The following MAPRE1 variants were observed in gnomAD, a reference collection of about 807,000 sequenced individuals.
MAPRE1 encodes microtubule associated protein RP/EB family member 1, also known as microtubule-associated protein RP/EB family member 1.
Under a neutral mutation model 32.1 loss-of-function variants are expected in MAPRE1, and 5 were observed. That is an observed-to-expected ratio of 0.16 (90% CI 0.08 to 0.33). MAPRE1 has a LOEUF of 0.33. Among genes scored for constraint, MAPRE1 ranks in the 10% least tolerant of loss-of-function variants. The probability of loss-of-function intolerance (pLI) is 1.00; values close to 1 mark genes in which losing one functional copy is unlikely to be tolerated. For synonymous variants in MAPRE1, 122 were observed against 118.9 expected, an observed-to-expected ratio of 1.03 and a Z score of -0.17; for missense variants, 209 against 327.2, an observed-to-expected ratio of 0.64 and a Z score of 2.79.
intron 1 of MAPRE1, 27 bp downstream of exon 1, chr20:32,820,055 T>G (rs1601155883): frequency 6.9e-6 from 1 of 144,860 alleles, no homozygotes; most frequent in Non-Finnish European, 1.5e-5. Flanking sequence ...GCCCGGGGGG[T>G]GCGGCTGGGG....
intron 2 of MAPRE1, among the ~76,000 whole-genome samples, chr20:32,828,513 G>T (rs1373398950): frequency 2.0e-5 from 3 of 152,210 alleles, no homozygotes; most frequent in East Asian, 3.8e-4. Context: ...GCATAAAGAG[G>T]CTTCAGTCTG....
rs756157974 is a variant in MAPRE1 at position 32,839,728 on chromosome 20, T to C, written c.476-7T>C. On this transcript the variant is annotated splice_region_variant and splice_polypyrimidine_tract_variant and intron_variant, in intron 4 of 6. Coordinates refer to ENST00000375571, the MANE Select transcript of MAPRE1 (RefSeq NM_012325.3). Reference sequence around the variant, plus strand: ...TCCTTTTCAAAAACCTGTGCTCTCTTTTTCAGCTCCCCAGAGGCCCATCTC... The same window carrying C: ...TCCTTTTCAAAAACCTGTGCTCTCTCTTTCAGCTCCCCAGAGGCCCATCTC... The C allele has an allele frequency of 1.9e-6, 3 of 1,613,596 alleles. No homozygotes were observed. The highest frequency in any genetic ancestry group is 1.7e-5 in the Admixed American group (1 of 59,844).
At chr20:32,845,233 GT>G (rs1311407884) in intron 5 of MAPRE1, among the ~76,000 whole-genome samples, 3 of 152,044 alleles carry the variant, frequency 2.0e-5, no homozygotes, top group Admixed American at 2.0e-4. Context: ...GTAGAGACAG[GT>G]TTTGCCATGT....
At chr20:32,823,069 T>C (rs58357793) in intron 1 of MAPRE1, among the ~76,000 whole-genome samples, 2,371 of 152,244 alleles carry the variant, frequency 0.016, 54 homozygotes, top group African/African-American at 0.054. Context: ...TGAAAATAAG[T>C]AGTGAGTGCT....
intron 1 of MAPRE1, among the ~76,000 whole-genome samples, chr20:32,825,688 G>T (rs572199052): frequency 6.6e-6 from 1 of 152,196 alleles, no homozygotes; most frequent in Non-Finnish European, 1.5e-5. Context: ...CCAGCTACTC[G>T]GGAGGCTGAG....
intron 2 of MAPRE1, among the ~76,000 whole-genome samples, chr20:32,829,154 C>T (rs1012906074): frequency 3.3e-5 from 5 of 152,136 alleles, no homozygotes; most frequent in East Asian, 1.9e-4. Context: ...CCTTGTGATC[C>T]GCCCACCTCG....
At chr20:32,843,880 G>A (rs1983431099) in intron 5 of MAPRE1, among the ~76,000 whole-genome samples, 1 of 150,204 alleles carries the variant, frequency 6.7e-6, no homozygotes, top group Non-Finnish European at 1.5e-5. Flanking sequence ...TGGAGATGGA[G>A]TTTTGCTCTG....
chr20:32,841,562 C>T (rs1983363405), intron 5 of MAPRE1, among the ~76,000 whole-genome samples: 1 of 151,512 alleles, frequency 6.6e-6, no homozygotes. Context: ...GTGCACTGCA[C>T]CCACTAACTC....
rs2070090 is a variant in MAPRE1, at chr20:32,839,829, C to T, written c.570C>T (p.Asp190=). ...AGAACCCTGGTGTGGGCAACGGAGA[C>T]GACGAGGCAGCTGAGTTGATGCAGC... The part of the protein sequence containing the change: ...VRKNPGVGNG[D]DEAAELMQQV... Residue 190 remains aspartate (D), a synonymous_variant, in exon 5 of 7, where the codon GAC becomes GAT. Transcript: ENST00000375571. 0.19 allele frequency: 308,110 copies of T among 1,613,812 alleles called. 32,808 individuals carry two copies. The highest frequency in any genetic ancestry group is 0.38 in the African/African-American group (28,696 of 74,942).
chr20:32,825,814 T>G, intron 1 of MAPRE1, 111 bp from the exon 2 acceptor site: 1 of 740,022 alleles, frequency 1.4e-6, no homozygotes, highest in South Asian at 3.7e-5. Flanking sequence ...TAAAATAAAA[T>G]AAAATTGAGT....
chr20:32,827,936 TC>T (rs1427623260), intron 2 of MAPRE1, among the ~76,000 whole-genome samples: 2 of 140,160 alleles, frequency 1.4e-5, no homozygotes, highest in Non-Finnish European at 3.0e-5. Flanking sequence ...TAGGATTTTT[TC>T]TTTTTTTTTT....
At position 32,826,472 on chromosome 20, in the gene MAPRE1, G is replaced by A. The variant is rs149846214; in HGVS notation, c.121+424G>A. On this transcript the variant is annotated intron_variant, in intron 2 of 6. Transcript: ENST00000375571. ...CCTGACCTCATGATCTGCCTGCCTC[G>A]GTCTCCCAACGTGCTGAGATTACAG... Among the ~76,000 whole-genome samples, 248 of 144,592 alleles carry A rather than the reference G, an allele frequency of 1.7e-3. 1 individual carries two copies. The highest frequency in any genetic ancestry group is 5.8e-3 in the African/African-American group (224 of 38,570). The allele number at this position is 144,592 out of a possible 152,430, so 94.9% of individuals were successfully genotyped here. A position where few individuals can be genotyped will look rare whatever the true frequency, so the allele number is the denominator to read the frequency against.
intron 3 of MAPRE1, among the ~76,000 whole-genome samples, chr20:32,836,211 G>T (rs1196174115): frequency 6.6e-6 from 1 of 152,234 alleles, no homozygotes; most frequent in Non-Finnish European, 1.5e-5. Flanking sequence ...CTCCCAAAGT[G>T]CTGGGTTTAC....
intron 1 of MAPRE1, among the ~76,000 whole-genome samples, chr20:32,823,943 G>T (rs184749131): frequency 6.6e-6 from 1 of 152,168 alleles, no homozygotes; most frequent in Non-Finnish European, 1.5e-5. Flanking sequence ...AACTCCTTCT[G>T]TTCCCACCTC....
At chr20:32,843,357 C>T (rs1038175412) in intron 5 of MAPRE1, 2 of 152,042 alleles carry the variant, frequency 1.3e-5, no homozygotes, top group Admixed American at 6.6e-5. Flanking sequence ...TTGTGGTATT[C>T]GTATCCTTGG....
Position 32,833,733 on chromosome 20 carries a change from G to C in MAPRE1, c.138G>C (p.Gln46His). The change falls in exon 3 of 7, where the codon CAG (glutamine) becomes CAC (histidine). Residue 46 changes from glutamine (Q) to histidine (H), a missense_variant. Physicochemically the swap from Gln to His is conservative, Grantham distance 24 (BLOSUM62 0). This residue lies in a region of MAPRE1 where 67 missense variants were observed against 140.0 expected (regional missense o/e 0.48). Transcript: ENST00000375571. Reference sequence around the variant, plus strand: ...TTCTTTCAGGGGCTGCGTATTGTCAGTTTATGGACATGCTGTTCCCTGGCT... The same window carrying C: ...TTCTTTCAGGGGCTGCGTATTGTCACTTTATGGACATGCTGTTCCCTGGCT... ...EQLCSGAAYC[Q>H]FMDMLFPGSI... 1.2e-6 allele frequency: 2 copies of C among 1,613,218 alleles called. No homozygotes were observed. Among genetic ancestry groups the C allele is most frequent in the Non-Finnish European group, 1.7e-6 (2 of 1,179,728 alleles).
rs1352869846 is a variant in MAPRE1, at chr20:32,839,745, G to A, written c.486G>A (p.Arg162=). 1 of 1,613,958 alleles carries A rather than the reference G, an allele frequency of 6.2e-7. No homozygotes were observed. Among genetic ancestry groups the A allele is most frequent in the African/African-American group, 1.3e-5 (1 of 74,894 alleles). The change falls in exon 5 of 7, where the codon AGG becomes AGA. Residue 162 remains arginine (R), a synonymous_variant. Transcript: ENST00000375571. ...TGCTCTCTTTTTCAGCTCCCCAGAG[G>A]CCCATCTCAACACAGAGAACCGCTG... The part of the protein sequence containing the change: ...PLTSSSAAPQ[R]PISTQRTAAA...
chr20:32,833,589 T>A, intron 2 of MAPRE1, 128 bp from the exon 3 acceptor site: 1 of 716,202 alleles, frequency 1.4e-6, no homozygotes, highest in Non-Finnish European at 2.3e-6. Context: ...TCACATGAAG[T>A]TAGTGAAGCT....
At chr20:32,831,947 CAAA>C (rs58685497) in intron 2 of MAPRE1, among the ~76,000 whole-genome samples, 20 of 111,612 alleles carry the variant, frequency 1.8e-4, no homozygotes, top group African/African-American at 5.1e-4. Flanking sequence ...TCGTCCGTTT[CAAA>C]AAAAAAAAAA....
Sources: allele counts gnomAD v4.1 joint callset (sites outside exome capture counted in the v4.1 genomes callset), GRCh38; gene constraint gnomAD v4.1.1; regional missense constraint gnomAD v4.1.1; transcripts MANE v1.5; gene names NCBI Gene and HGNC (gene_info 2026-07-23, HGNC 2026-07-21).